The following HAUS6 variants were observed in gnomAD, a reference collection of about 807,000 sequenced individuals.
HAUS6 encodes the protein HAUS augmin like complex subunit 6.
A neutral mutation model predicts 106.8 loss-of-function variants in HAUS6; 80 were observed. The ratio of observed to expected loss-of-function variants is 0.75; its 90% CI spans 0.63 to 0.90. HAUS6 has a LOEUF of 0.90. HAUS6 is among the 40% of genes least tolerant of loss of function. HAUS6 has a pLI of 0.00. For missense variants in HAUS6, 1,155 were observed against 1,118.1 expected (o/e 1.03, Z -0.47); for synonymous variants, 356 against 379.1 (o/e 0.94, Z 0.71).
At chr9:19,092,618 G>GAAAA (rs754952207) in intron 4 of HAUS6, among the ~76,000 whole-genome samples, 3 of 55,010 alleles carry the variant, frequency 5.5e-5, no homozygotes, top group Non-Finnish European at 9.6e-5. Flanking sequence ...CTCCGTCTCG[G>GAAAA]AAAAAAAAAA....
chr9:19,066,641 G>A (rs192900751), intron 12 of HAUS6, among the ~76,000 whole-genome samples: 2 of 152,008 alleles, frequency 1.3e-5, no homozygotes, highest in Admixed American at 1.3e-4. Context: ...TACAGCAAAG[G>A]CATCACCAAT....
rs551906393 is a variant in HAUS6 at position 19,072,044 on chromosome 9, G to C, written c.1295-1744C>G. 5.9e-5 allele frequency among the ~76,000 whole-genome samples: 9 copies of C among 151,490 alleles called. No homozygotes were observed. The South Asian group carries it at 1.9e-3, about 32-fold the overall frequency. On this transcript the variant is annotated intron_variant, in intron 11 of 16. Coordinates refer to ENST00000380502, the MANE Select transcript of HAUS6 (RefSeq NM_017645.5). The stretch of plus-strand genomic sequence containing the variant: ...GTCTCTACTAAAAATACAAAAATCA[G>C]CTGGGCATGGTGGCACATGCCTGTA...
At chr9:19,079,182 T>TA (rs1837079516) in intron 9 of HAUS6, among the ~76,000 whole-genome samples, 8 of 143,652 alleles carry the variant, frequency 5.6e-5, no homozygotes, top group Admixed American at 4.9e-4. Context: ...AAAAAAAAAA[T>TA]ACACGAAACA....
chr9:19,084,498 C>G (rs902416158), intron 7 of HAUS6, among the ~76,000 whole-genome samples: 1 of 152,026 alleles, frequency 6.6e-6, no homozygotes, highest in Non-Finnish European at 1.5e-5. Flanking sequence ...TTACACATTT[C>G]TTGTATATAT....
chr9:19,058,612 C>T lies in HAUS6; in HGVS notation c.2155G>A (p.Gly719Ser), dbSNP rs1219243429. Residue 719 changes from glycine to serine, a missense_variant, in exon 16 of 17, where the codon GGC becomes AGC. Gly to Ser is a moderately conservative substitution (Grantham distance 56). Transcript: ENST00000380502. ...CCACCCATCACATCTATCCTATTGC[C>T]GACAGCAGGGGAGAATGTCTCCATT... is the stretch of plus-strand genomic sequence containing the variant. The part of the protein sequence containing the change: ...SRMETFSPAV[G>S]NRIDVMGGSE... 9 of 1,605,394 alleles carry T rather than the reference C, an allele frequency of 5.6e-6. No individual in the cohort carries two copies. Among genetic ancestry groups the T allele is most frequent in the East Asian group, 2.2e-5 (1 of 44,738 alleles).
intron 1 of HAUS6, among the ~76,000 whole-genome samples, chr9:19,100,991 TTAGA>T (rs779504252): frequency 6.6e-5 from 10 of 152,146 alleles, no homozygotes; most frequent in Admixed American, 2.0e-4. Context: ...AAATATACAG[TTAGA>T]TAGAAGGAAT....
chr9:19,074,630 T>C (rs936030155), intron 11 of HAUS6, among the ~76,000 whole-genome samples: 4 of 152,090 alleles, frequency 2.6e-5, no homozygotes, highest in Admixed American at 6.6e-5. Flanking sequence ...CCTTGCTCTC[T>C]GGTCTATAAT....
In HAUS6 at chr9:19,058,134, G is replaced by T. The variant is rs373566745; in HGVS notation, c.2633C>A (p.Thr878Lys). ...ATCACAGGTGTCCAAAAAGTTAAGC[G>T]TATCATCTGTTTGTACATTTTGGGG... is the stretch of plus-strand genomic sequence containing the variant. ...PTPQNVQTDD[T>K]LNFLDTCDLH... Residue 878 changes from threonine (T) to lysine (K), a missense_variant, in exon 16 of 17, where the codon ACG becomes AAG. By Grantham distance (78) the Thr-to-Lys change is moderately conservative (BLOSUM62 -1). Around this residue, in one of 3 missense-constraint regions of HAUS6, gnomAD observed 380 missense variants for 394.8 expected, o/e 0.96. Transcript: ENST00000380502. 1 of 1,613,874 alleles carries T rather than the reference G, an allele frequency of 6.2e-7. No individual in the cohort carries two copies. Among genetic ancestry groups the T allele is most frequent in the African/African-American group, 1.3e-5 (1 of 74,908 alleles).
At chr9:19,063,297 G>A (rs1371401603) in intron 13 of HAUS6, 104 bp from the exon 14 acceptor site, 1 of 770,898 alleles carries the variant, frequency 1.3e-6, no homozygotes, top group Non-Finnish European at 2.1e-6. Context: ...ATAAAAGGTT[G>A]TTAATACTAT....
Position 19,056,176 on chromosome 9 carries a change from T to A in HAUS6, c.*167A>T. ...CAAAGAGGAAAAAATCCAAACATACTTTCCTTACCTAAAAATATTAAAGAA... is the reference window on the plus strand; with the variant it reads ...CAAAGAGGAAAAAATCCAAACATACATTCCTTACCTAAAAATATTAAAGAA... On this transcript the variant is annotated 3_prime_UTR_variant, in exon 17 of 17. Coordinates refer to ENST00000380502, the MANE Select transcript of HAUS6 (RefSeq NM_017645.5). The A allele has an allele frequency of 2.0e-6, 1 of 509,410 alleles. No homozygotes were observed. The highest frequency in any genetic ancestry group is 3.5e-6 in the Non-Finnish European group (1 of 286,212). The allele number at this position is 509,410 out of a possible 1,614,324, so 31.6% of individuals were successfully genotyped here. A position where few individuals can be genotyped will look rare whatever the true frequency, so the allele number is the denominator to read the frequency against.
At chr9:19,065,859 TA>T (rs1357122754) in intron 12 of HAUS6, among the ~76,000 whole-genome samples, 6 of 151,978 alleles carry the variant, frequency 3.9e-5, no homozygotes, top group Admixed American at 3.9e-4. Context: ...AATTAATGAA[TA>T]AAATTTTGTA....
In HAUS6 at chr9:19,083,022, C is replaced by A; in HGVS notation, c.721G>T (p.Val241Leu). The A allele has an allele frequency of 6.3e-7, 1 of 1,585,050 alleles. No individual in the cohort carries two copies. The highest frequency in any genetic ancestry group is 1.4e-5 in the African/African-American group (1 of 73,310). The change falls in exon 8 of 17, where the codon GTG (valine) becomes TTG (leucine). Residue 241 changes from valine (V) to leucine (L), a missense_variant. Coordinates refer to ENST00000380502, the MANE Select transcript of HAUS6 (RefSeq NM_017645.5). ...TCCAAAAACATGAGCGTTTCATTCA[C>A]TGAAGCCCACAAAGACCGAACCTTT... The part of the protein sequence containing the change: ...IQKVRSLWAS[V>L]NETLMFLEKE...
chr9:19,101,597 G>T (rs551342122), intron 1 of HAUS6, among the ~76,000 whole-genome samples: 58 of 152,136 alleles, frequency 3.8e-4, no homozygotes, highest in South Asian at 8.3e-4. Context: ...GGGCAACATG[G>T]TTAGCTACTG....
chr9:19,075,498 C>T (rs1836977313), intron 11 of HAUS6, among the ~76,000 whole-genome samples: 1 of 152,192 alleles, frequency 6.6e-6, no homozygotes, highest in African/African-American at 2.4e-5. Context: ...AATCCCAGCA[C>T]TTTGGGAGGC....
intron 12 of HAUS6, among the ~76,000 whole-genome samples, chr9:19,067,463 C>A (rs920569706): frequency 1.3e-5 from 2 of 152,152 alleles, no homozygotes; most frequent in Non-Finnish European, 2.9e-5. Flanking sequence ...CACCACCAGG[C>A]CTTCCCCTAC....
intron 7 of HAUS6, among the ~76,000 whole-genome samples, chr9:19,086,143 C>T (rs7467294): frequency 0.14 from 21,229 of 151,156 alleles, 1,694 homozygotes; most frequent in African/African-American, 0.23. Context: ...GAAACCCTAT[C>T]TCTACAAAAA....
Position 19,096,784 on chromosome 9 carries a change from TGAAATA to T in HAUS6, c.129-21_129-16del. The T allele has an allele frequency of 1.6e-6, 2 of 1,255,276 alleles. No homozygotes were observed. The highest frequency in any genetic ancestry group is 2.2e-6 in the Non-Finnish European group (2 of 893,900). The allele number at this position is 1,255,276 out of a possible 1,614,324, so 77.8% of individuals were successfully genotyped here. ...CAAACATGTTCCTAGTGGTTAAAAA[TGAAATA>T]GAAATAGAAAAAGAAAAAGGTTAAT... is the stretch of plus-strand genomic sequence containing the variant. On this transcript the variant is annotated splice_polypyrimidine_tract_variant and intron_variant, in intron 1 of 16. Coordinates refer to ENST00000380502, the MANE Select transcript of HAUS6 (RefSeq NM_017645.5).
intron 7 of HAUS6, among the ~76,000 whole-genome samples, chr9:19,084,629 T>A (rs960209808): frequency 9.0e-5 from 13 of 144,182 alleles, no homozygotes; most frequent in Non-Finnish European, 1.7e-4. Flanking sequence ...ACTTTTTTTC[T>A]TTTTTCTTTT....
At chr9:19,065,935 AT>A (rs562370544) in intron 12 of HAUS6, among the ~76,000 whole-genome samples, 19,840 of 139,806 alleles carry the variant, frequency 0.14, 1,219 homozygotes, top group African/African-American at 0.24. Context: ...ACAGCCAAAA[AT>A]TTTTTTTTTT....
Sources: allele counts gnomAD v4.1 joint callset (sites outside exome capture counted in the v4.1 genomes callset), GRCh38; gene constraint gnomAD v4.1.1; regional missense constraint gnomAD v4.1.1; transcripts MANE v1.5; gene names NCBI Gene and HGNC (gene_info 2026-07-23, HGNC 2026-07-21).